PTPRM: variants seen among roughly 807,000 people sequenced by gnomAD.
PTPRM encodes protein tyrosine phosphatase receptor type M, also known as receptor-type tyrosine-protein phosphatase mu.
A neutral mutation model predicts 186.7 loss-of-function variants in PTPRM; 47 were observed. That is an observed-to-expected ratio of 0.25 (90% CI 0.20 to 0.32). PTPRM has a LOEUF of 0.32. Among genes scored for constraint, PTPRM ranks in the 10% least tolerant of loss-of-function variants. The probability of loss-of-function intolerance (pLI) is 1.00; values close to 1 mark genes in which losing one functional copy is unlikely to be tolerated. For missense variants in PTPRM, 1,494 were observed against 1,865.0 expected (o/e 0.80, Z 3.66); for synonymous variants, 668 against 674.9 (o/e 0.99, Z 0.16).
chr18:7,917,787 G>C (rs968183665), intron 4 of PTPRM, among the ~76,000 whole-genome samples: 7 of 152,086 alleles, frequency 4.6e-5, no homozygotes, highest in African/African-American at 1.7e-4. Flanking sequence ...TTTCTAATAA[G>C]TGTATATTTG....
intron 7 of PTPRM, among the ~76,000 whole-genome samples, chr18:8,044,756 CAAAAAA>C (rs67620203): frequency 1.0e-3 from 105 of 104,700 alleles, no homozygotes; most frequent in African/African-American, 3.5e-3. Context: ...GACTCTGTCT[CAAAAAA>C]AAAAAAAAAA....
chr18:7,824,984 T>C (rs1400105190), intron 2 of PTPRM, among the ~76,000 whole-genome samples: 1 of 152,170 alleles, frequency 6.6e-6, no homozygotes, highest in Non-Finnish European at 1.5e-5. Context: ...TGCTTAAACA[T>C]GTCTGTCTGT....
intron 7 of PTPRM, among the ~76,000 whole-genome samples, chr18:7,972,442 C>A: frequency 1.5e-5 from 1 of 64,762 alleles, no homozygotes; most frequent in African/African-American, 6.9e-5. Flanking sequence ...GCACATGTAC[C>A]CTAAAACTTA....
intron 21 of PTPRM, among the ~76,000 whole-genome samples, chr18:8,315,063 T>C (rs2095298794): frequency 6.6e-6 from 1 of 152,180 alleles, no homozygotes; most frequent in South Asian, 2.1e-4. Flanking sequence ...AGCAAACACA[T>C]GAATATTACC....
intron 2 of PTPRM, among the ~76,000 whole-genome samples, chr18:7,841,042 A>G (rs1016780451): frequency 6.6e-6 from 1 of 152,194 alleles, no homozygotes; most frequent in Non-Finnish European, 1.5e-5. Context: ...TTATAGTCAC[A>G]TAGCATCATT....
chr18:7,935,071 TTTG>T (rs1411223193), intron 5 of PTPRM, among the ~76,000 whole-genome samples: 2 of 152,212 alleles, frequency 1.3e-5, no homozygotes, highest in South Asian at 2.1e-4. Flanking sequence ...TCAGAACAAT[TTTG>T]TTATTATGTA....
intron 7 of PTPRM, among the ~76,000 whole-genome samples, chr18:7,998,587 TAGAA>T (rs2083680340): frequency 6.6e-6 from 1 of 152,168 alleles, no homozygotes; most frequent in Admixed American, 6.5e-5. Context: ...ATTTTAAATA[TAGAA>T]AGAATATTCA....
chr18:7,978,010 T>C (rs1184463822), intron 7 of PTPRM, among the ~76,000 whole-genome samples: 1 of 152,230 alleles, frequency 6.6e-6, no homozygotes, highest in Non-Finnish European at 1.5e-5. Flanking sequence ...AGGAAACGAC[T>C]TGTGCAGTTT....
intron 1 of PTPRM, among the ~76,000 whole-genome samples, chr18:7,690,669 G>A (rs2039712275): frequency 6.6e-6 from 1 of 152,144 alleles, no homozygotes; most frequent in Admixed American, 6.5e-5. Context: ...TGAAAGCCAG[G>A]AAATATTCCT....
chr18:7,870,018 G>A (rs1256559886), intron 2 of PTPRM, among the ~76,000 whole-genome samples: 1 of 152,180 alleles, frequency 6.6e-6, no homozygotes, highest in Admixed American at 6.5e-5. Flanking sequence ...AACTGAAGTT[G>A]AAATTGCACA....
chr18:7,999,908 G>C (rs1273471318), intron 7 of PTPRM, among the ~76,000 whole-genome samples: 2 of 152,120 alleles, frequency 1.3e-5, no homozygotes, highest in African/African-American at 2.4e-5. Flanking sequence ...AGAAGAGCCT[G>C]TGCTGGTGTG....
At chr18:8,327,622 A>C (rs1371686754) in intron 22 of PTPRM, among the ~76,000 whole-genome samples, 2 of 152,224 alleles carry the variant, frequency 1.3e-5, no homozygotes, top group Non-Finnish European at 2.9e-5. Flanking sequence ...TCAGCCAGGT[A>C]GAGAGGATGG....
At chr18:8,181,282 T>C (rs1372569380) in intron 14 of PTPRM, among the ~76,000 whole-genome samples, 4 of 152,168 alleles carry the variant, frequency 2.6e-5, no homozygotes, top group Non-Finnish European at 5.9e-5. Flanking sequence ...ACCCCGTCTT[T>C]TTTATTTTGG....
At chr18:8,045,318 A>T (rs2086971424) in intron 7 of PTPRM, among the ~76,000 whole-genome samples, 1 of 152,242 alleles carries the variant, frequency 6.6e-6, no homozygotes, top group Non-Finnish European at 1.5e-5. Flanking sequence ...ACTGTACTCC[A>T]GCCTGAGTGA....
intron 1 of PTPRM, among the ~76,000 whole-genome samples, chr18:7,588,935 A>G (rs981234408): frequency 1.4e-4 from 21 of 152,136 alleles, no homozygotes; most frequent in Admixed American, 3.9e-4. Context: ...CTGCAACCTC[A>G]ACCTACTGGG....
At chr18:8,288,349 T>G (rs997169757) in intron 19 of PTPRM, among the ~76,000 whole-genome samples, 2 of 152,158 alleles carry the variant, frequency 1.3e-5, no homozygotes, top group Non-Finnish European at 2.9e-5. Context: ...GAGAAGACAT[T>G]CCAGATAAGG....
At chr18:7,607,326 G>A (rs150109070) in intron 1 of PTPRM, among the ~76,000 whole-genome samples, 196 of 152,204 alleles carry the variant, frequency 1.3e-3, no homozygotes, top group African/African-American at 4.5e-3. Flanking sequence ...TCACTCACTG[G>A]CATGTGGAAA....
At chr18:7,954,279 T>C (rs1759226509) in intron 6 of PTPRM, among the ~76,000 whole-genome samples, 1 of 152,224 alleles carries the variant, frequency 6.6e-6, no homozygotes, top group South Asian at 2.1e-4. Flanking sequence ...TTCTTAGTTT[T>C]ATCAAGCTGT....
chr18:8,328,063 C>T (rs2095388957), intron 22 of PTPRM, among the ~76,000 whole-genome samples: 1 of 152,224 alleles, frequency 6.6e-6, no homozygotes, highest in Non-Finnish European at 1.5e-5. Context: ...GTAGTGCCTT[C>T]ATTCTTTTTG....
Sources: allele counts gnomAD v4.1 joint callset (sites outside exome capture counted in the v4.1 genomes callset), GRCh38; gene constraint gnomAD v4.1.1; transcripts MANE v1.5; gene names NCBI Gene and HGNC (gene_info 2026-07-23, HGNC 2026-07-21).